GRIK4: variants seen among roughly 807,000 people sequenced by gnomAD.
GRIK4 encodes the protein glutamate ionotropic receptor kainate type subunit 4.
Under a neutral mutation model 104.9 loss-of-function variants are expected in GRIK4, and 40 were observed. The observed-to-expected ratio is 0.38, with a 90% confidence interval of 0.30 to 0.50. The LOEUF (loss-of-function observed/expected upper bound fraction) is 0.50. GRIK4 is among the 20% of genes least tolerant of loss of function. GRIK4 has a pLI of 0.93. For synonymous variants in GRIK4, 485 were observed against 524.9 expected, an observed-to-expected ratio of 0.92 and a Z score of 1.04; for missense variants, 1,047 against 1,308.1, an observed-to-expected ratio of 0.80 and a Z score of 3.08.
rs185637925 is a variant in GRIK4, at chr11:120,883,976, G to A, written c.1164+8733G>A. Among the ~76,000 whole-genome samples the A allele has an allele frequency of 5.5e-3, 841 of 152,358 alleles. 3 individuals carry two copies. Among genetic ancestry groups the A allele is most frequent in the Non-Finnish European group, 7.0e-3 (479 of 68,034 alleles). On this transcript the variant is annotated intron_variant, in intron 11 of 20. Transcript: ENST00000527524. ...CTGATGGGAGGTGGGCCAGGCCACCGGCCAGAGGTGTGGGGTTTGCAGGCA... is the reference window on the plus strand; with the variant it reads ...CTGATGGGAGGTGGGCCAGGCCACCAGCCAGAGGTGTGGGGTTTGCAGGCA...
chr11:120,820,528 A>T (rs1388084536), intron 6 of GRIK4, among the ~76,000 whole-genome samples: 1 of 152,166 alleles, frequency 6.6e-6, no homozygotes, highest in Non-Finnish European at 1.5e-5. Flanking sequence ...GATTTAGCTA[A>T]TTTAAGCCAG....
chr11:120,592,285 C>T (rs562508320), intron 1 of GRIK4, among the ~76,000 whole-genome samples: 2 of 152,198 alleles, frequency 1.3e-5, no homozygotes, highest in African/African-American at 4.8e-5. Flanking sequence ...AGAACTTGTG[C>T]GGAAGTCCAT....
intron 3 of GRIK4, among the ~76,000 whole-genome samples, chr11:120,709,691 C>T (rs1950691724): frequency 6.6e-6 from 1 of 152,190 alleles, no homozygotes; most frequent in South Asian, 2.1e-4. Context: ...GTTGCATACA[C>T]TGTGTATGCT....
intron 1 of GRIK4, among the ~76,000 whole-genome samples, chr11:120,619,783 A>G (rs1357818541): frequency 6.6e-6 from 1 of 152,054 alleles, no homozygotes; most frequent in Non-Finnish European, 1.5e-5. Context: ...AGGCCTCCCT[A>G]GAAGCAGATG....
At chr11:120,581,996 A>G (rs1948588625) in intron 1 of GRIK4, among the ~76,000 whole-genome samples, 1 of 151,468 alleles carries the variant, frequency 6.6e-6, no homozygotes, top group African/African-American at 2.4e-5. Context: ...TTTAGTAGAG[A>G]CGGGGTTTCA....
chr11:120,766,874 T>C (rs1303643293), intron 3 of GRIK4, among the ~76,000 whole-genome samples: 2 of 151,842 alleles, frequency 1.3e-5, no homozygotes, highest in Admixed American at 1.3e-4. Context: ...CGCTGGGAGC[T>C]GCAGACTGGA....
At chr11:120,541,192 C>T (rs1948030959) in intron 1 of GRIK4, among the ~76,000 whole-genome samples, 2 of 152,268 alleles carry the variant, frequency 1.3e-5, no homozygotes, top group Non-Finnish European at 2.9e-5. Context: ...TGAACTCCTG[C>T]TCATCCTCTA....
At chr11:120,665,275 A>G (rs1949893999) in intron 3 of GRIK4, among the ~76,000 whole-genome samples, 1 of 151,994 alleles carries the variant, frequency 6.6e-6, no homozygotes, top group Middle Eastern at 3.4e-3. Context: ...GGCTCCTCTG[A>G]TCATGTTAGC....
chr11:120,874,801 C>T (rs528726516), intron 10 of GRIK4, among the ~76,000 whole-genome samples: 51 of 152,178 alleles, frequency 3.4e-4, no homozygotes, highest in African/African-American at 1.1e-3. Context: ...AGTGCCTGCC[C>T]GGAGAGGATG....
chr11:120,889,589 A>ATTTTTTTTT (rs369264259), intron 11 of GRIK4, among the ~76,000 whole-genome samples: 28 of 62,494 alleles, frequency 4.5e-4, no homozygotes, highest in African/African-American at 8.3e-4. Flanking sequence ...AAGAGCTTAC[A>ATTTTTTTTT]TTTTTTTTTT....
chr11:120,930,123 A>G (rs1477979873), intron 13 of GRIK4, among the ~76,000 whole-genome samples: 1 of 152,142 alleles, frequency 6.6e-6, no homozygotes, highest in East Asian at 1.9e-4. Flanking sequence ...AGCCAAGCGC[A>G]CAGTCCTGAG....
rs146449991 is a variant in GRIK4, at chr11:120,678,392, G to T, written c.82+17992G>T. On this transcript the variant is annotated intron_variant, in intron 3 of 20. Coordinates refer to ENST00000527524, the MANE Select transcript of GRIK4 (RefSeq NM_014619.5). ...AGTCTGCATGCTGGCTTTATTTATA[G>T]TCGCTTATTTATTAGATTCCAAATG... Among the ~76,000 whole-genome samples the T allele has an allele frequency of 9.9e-5, 15 of 152,274 alleles. No individual in the cohort carries two copies. In the East Asian group the frequency reaches 2.9e-3, roughly 29 times the overall value.
intron 11 of GRIK4, among the ~76,000 whole-genome samples, chr11:120,888,220 A>C (rs1040681426): frequency 1.3e-5 from 2 of 152,150 alleles, no homozygotes. Context: ...GTTTAACTGT[A>C]TAGTCCCAAC....
At chr11:120,581,963 C>T (rs7104921) in intron 1 of GRIK4, among the ~76,000 whole-genome samples, 1,997 of 152,044 alleles carry the variant, frequency 0.013, 35 homozygotes, top group African/African-American at 0.044. Flanking sequence ...CCCACCACCA[C>T]GCCCGGCTAA....
rs958723209 is a variant in GRIK4, at chr11:120,866,520, C to T, written c.906+4400C>T. On this transcript the variant is annotated intron_variant, in intron 9 of 20. Coordinates refer to ENST00000527524, the MANE Select transcript of GRIK4 (RefSeq NM_014619.5). The stretch of plus-strand genomic sequence containing the variant: ...TAGAAACCCTGACCTCGTTTGTCTC[C>T]TTCCCAGTCCAATGTCAGACCTCCC... Among the ~76,000 whole-genome samples, 5 of 152,306 alleles carry T rather than the reference C, an allele frequency of 3.3e-5. No homozygotes were observed. The East Asian group carries it at 7.7e-4, about 24-fold the overall frequency.
chr11:120,569,214 C>T (rs1042045148), intron 1 of GRIK4, among the ~76,000 whole-genome samples: 3 of 152,226 alleles, frequency 2.0e-5, no homozygotes, highest in African/African-American at 7.2e-5. Flanking sequence ...AGGCACGCCC[C>T]GCCCCATGGT....
chr11:120,925,592 A>C (rs917597084), intron 13 of GRIK4, among the ~76,000 whole-genome samples: 2 of 152,160 alleles, frequency 1.3e-5, no homozygotes, highest in African/African-American at 4.8e-5. Flanking sequence ...CACTGGTGAA[A>C]ATTCAGTGCC....
intron 3 of GRIK4, among the ~76,000 whole-genome samples, chr11:120,678,746 GC>G (rs1950143567): frequency 6.6e-6 from 1 of 151,938 alleles, no homozygotes; most frequent in Non-Finnish European, 1.5e-5. Context: ...CAATTCTCCT[GC>G]CCCAGCCTCC....
intron 3 of GRIK4, among the ~76,000 whole-genome samples, chr11:120,753,158 G>A (rs899761248): frequency 6.6e-6 from 1 of 152,212 alleles, no homozygotes; most frequent in Non-Finnish European, 1.5e-5. Flanking sequence ...CTGGAGTTTT[G>A]CCCAACTTTA....
Sources: gnomAD v4.1 joint callset for allele counts (sites outside exome capture counted in the v4.1 genomes callset) on GRCh38, gnomAD v4.1.1 for gene constraint, MANE v1.5 for transcripts, NCBI Gene and HGNC (gene_info 2026-07-23, HGNC 2026-07-21) for gene names.